Variants in RIC1 observed in about 807,000 individuals in gnomAD.
The protein encoded by RIC1 is guanine nucleotide exchange factor subunit RIC1.
Under a neutral mutation model 169.0 loss-of-function variants are expected in RIC1, and 88 were observed. That is an observed-to-expected ratio of 0.52 (90% CI 0.44 to 0.62). The LOEUF (loss-of-function observed/expected upper bound fraction) is 0.62, where lower values mean the gene tolerates loss of function less well. Ranked by LOEUF, RIC1 falls within the 20% of genes least tolerant of loss-of-function variation. The pLI is 0.00. For missense variants in RIC1, 1,877 were observed against 1,725.5 expected, an observed-to-expected ratio of 1.09 and a Z score of -1.56; for synonymous variants, 790 against 601.5, an observed-to-expected ratio of 1.31 and a Z score of -4.59.
At chr9:5,674,141 G>A (rs1342051874) in intron 2 of RIC1, among the ~76,000 whole-genome samples, 3 of 151,942 alleles carry the variant, frequency 2.0e-5, no homozygotes, top group Non-Finnish European at 2.9e-5. Context: ...AAAGACATAA[G>A]GACTACATAA....
chr9:5,706,878 C>G (rs1822623129), intron 3 of RIC1, among the ~76,000 whole-genome samples: 1 of 152,080 alleles, frequency 6.6e-6, no homozygotes, highest in African/African-American at 2.4e-5. Context: ...AACCAACTTG[C>G]TTTAATTGAT....
intron 2 of RIC1, among the ~76,000 whole-genome samples, chr9:5,671,316 C>G (rs1318019204): frequency 4.0e-5 from 6 of 150,430 alleles, no homozygotes; most frequent in Non-Finnish European, 5.9e-5. Context: ...GTCACCCAGA[C>G]TGGAGTGGAG....
Position 5,774,295 on chromosome 9 carries a change from A to T in RIC1, c.*49A>T. 6.8e-7 allele frequency: 1 copy of T among 1,478,160 alleles called. No individual in the cohort carries two copies. The highest frequency in any genetic ancestry group is 9.2e-7 in the Non-Finnish European group (1 of 1,089,878). 91.6% of individuals were successfully genotyped at this position (1,478,160 alleles called of 1,614,324 possible). A position where few individuals can be genotyped will look rare whatever the true frequency, so the allele number is the denominator to read the frequency against. The stretch of plus-strand genomic sequence containing the variant: ...GCAGTATTAATTAGCAGCAGCGTGC[A>T]GCTCAGTACGTTGTAACATAGTTGG... On this transcript the variant is annotated 3_prime_UTR_variant, in exon 26 of 26. Transcript: ENST00000414202.
chr9:5,676,591 A>T (rs145720306), intron 2 of RIC1, among the ~76,000 whole-genome samples: 39 of 152,298 alleles, frequency 2.6e-4, no homozygotes, highest in African/African-American at 7.9e-4. Flanking sequence ...TGAAAGCTCT[A>T]TTTCTGCATC....
chr9:5,674,796 C>T (rs1586922609), intron 2 of RIC1, among the ~76,000 whole-genome samples: 1 of 152,172 alleles, frequency 6.6e-6, no homozygotes, highest in Non-Finnish European at 1.5e-5. Flanking sequence ...GATTGAAGCC[C>T]TCAAATTCAT....
At chr9:5,772,493 A>G (rs1827288873) in intron 23 of RIC1, 71 bp from the exon 24 acceptor site, 2 of 1,234,064 alleles carry the variant, frequency 1.6e-6, no homozygotes, top group Admixed American at 2.5e-5. Flanking sequence ...AGGAACAGCT[A>G]ATATTTAAAA....
intron 2 of RIC1, among the ~76,000 whole-genome samples, chr9:5,661,043 T>G (rs929775330): frequency 2.6e-5 from 4 of 152,188 alleles, no homozygotes; most frequent in African/African-American, 9.7e-5. Context: ...CAGTTTCAAT[T>G]TTCTGCATAC....
chr9:5,693,630 G>T (rs1329054940), intron 3 of RIC1, among the ~76,000 whole-genome samples: 1 of 152,098 alleles, frequency 6.6e-6, no homozygotes, highest in African/African-American at 2.4e-5. Flanking sequence ...GGAAATTTTA[G>T]TGAAATTAAT....
At chr9:5,629,848 T>G (rs1817632463) in intron 1 of RIC1, among the ~76,000 whole-genome samples, 1 of 152,238 alleles carries the variant, frequency 6.6e-6, no homozygotes, top group African/African-American at 2.4e-5. Flanking sequence ...CAACCCTCCC[T>G]TACTTTAAAG....
chr9:5,636,461 A>G (rs1817977266), intron 1 of RIC1, among the ~76,000 whole-genome samples: 1 of 152,092 alleles, frequency 6.6e-6, no homozygotes, highest in Non-Finnish European at 1.5e-5. Context: ...CTGGGATTAC[A>G]GGTGCCTGCC....
intron 7 of RIC1, among the ~76,000 whole-genome samples, chr9:5,736,882 G>A (rs190821044): frequency 6.6e-6 from 1 of 151,930 alleles, no homozygotes; most frequent in Non-Finnish European, 1.5e-5. Context: ...ACTATTGCAG[G>A]TCTTTTAGTT....
intron 2 of RIC1, among the ~76,000 whole-genome samples, chr9:5,674,684 C>G (rs995501772): frequency 3.3e-5 from 5 of 152,154 alleles, no homozygotes; most frequent in Admixed American, 1.3e-4. Flanking sequence ...TGATGCCAGA[C>G]GAATACATAA....
chr9:5,726,468 C>G (rs1307651491), intron 6 of RIC1, among the ~76,000 whole-genome samples: 2 of 152,154 alleles, frequency 1.3e-5, no homozygotes, highest in Non-Finnish European at 2.9e-5. Flanking sequence ...AGGTAGGTCT[C>G]CAGAATACAG....
In RIC1 at chr9:5,774,589, C is replaced by G. The variant is rs1827475677; in HGVS notation, c.*343C>G. ...TACTTTTTCACTACTTACATCTTCTCACATTTCCCGGTTCTGCATTATGTC... is the reference window on the plus strand; with the variant it reads ...TACTTTTTCACTACTTACATCTTCTGACATTTCCCGGTTCTGCATTATGTC... On this transcript the variant is annotated 3_prime_UTR_variant, in exon 26 of 26. Transcript: ENST00000414202. The G allele has an allele frequency of 5.5e-6, 1 of 182,728 alleles. No individual in the cohort carries two copies. Among genetic ancestry groups the G allele is most frequent in the Non-Finnish European group, 1.1e-5 (1 of 87,510 alleles). The allele number at this position is 182,728 out of a possible 1,614,324, so 11.3% of individuals were successfully genotyped here.
At chr9:5,722,651 C>T (rs1161355909) in intron 6 of RIC1, among the ~76,000 whole-genome samples, 5 of 152,240 alleles carry the variant, frequency 3.3e-5, no homozygotes, top group Middle Eastern at 3.4e-3. Flanking sequence ...TGGTGTTCTG[C>T]ACCCATTAAC....
At chr9:5,745,902 C>CT (rs774499474) in intron 10 of RIC1, 29 bp from the exon 11 acceptor site, 4 of 1,588,130 alleles carry the variant, frequency 2.5e-6, no homozygotes, top group East Asian at 4.5e-5. Context: ...ATTGCTCTGA[C>CT]TTTTTTTCTC....
At chr9:5,670,378 G>C (rs1183982275) in intron 2 of RIC1, among the ~76,000 whole-genome samples, 4 of 152,176 alleles carry the variant, frequency 2.6e-5, no homozygotes, top group Admixed American at 2.6e-4. Flanking sequence ...GCTTACTTCT[G>C]AACAGCCCTC....
At chr9:5,777,084 T>C (rs79113226), downstream of RIC1, among the ~76,000 whole-genome samples, 3,734 of 152,244 alleles carry the variant, frequency 0.025, 85 homozygotes, top group Middle Eastern at 0.11. Context: ...TGTCTCATCA[T>C]AGTTTAGATT....
At chr9:5,629,508 G>T (rs1164072863) in intron 1 of RIC1, 55 bp downstream of exon 1, 23 of 1,487,904 alleles carry the variant, frequency 1.5e-5, no homozygotes, top group African/African-American at 2.9e-5. Flanking sequence ...TCCCGGCGCC[G>T]TCCCACCCCC....
Sources: allele counts gnomAD v4.1 joint callset (sites outside exome capture counted in the v4.1 genomes callset), GRCh38; gene constraint gnomAD v4.1.1; transcripts MANE v1.5; gene names NCBI Gene and HGNC (gene_info 2026-07-23, HGNC 2026-07-21).